DLGAP1: variants seen among roughly 807,000 people sequenced by gnomAD.
DLGAP1 encodes DLG associated protein 1.
A neutral mutation model predicts 90.8 loss-of-function variants in DLGAP1; 11 were observed. That is an observed-to-expected ratio of 0.12 (90% CI 0.08 to 0.20). The LOEUF is 0.20. Ranked by LOEUF, DLGAP1 falls within the 10% of genes least tolerant of loss-of-function variation. The pLI, the probability that DLGAP1 is intolerant of heterozygous loss-of-function variation, is 1.00. For missense variants in DLGAP1, 1,050 were observed against 1,333.8 expected (o/e 0.79, Z 3.31); for synonymous variants, 558 against 540.7 (o/e 1.03, Z -0.44).
At chr18:4,031,515 T>C (rs1015095519) in intron 2 of DLGAP1, among the ~76,000 whole-genome samples, 3 of 152,300 alleles carry the variant, frequency 2.0e-5, no homozygotes, top group East Asian at 3.9e-4. Flanking sequence ...ACTGGTTCAA[T>C]AGGGAGCTGT....
At chr18:3,923,153 AAAG>A (rs2072305073) in intron 3 of DLGAP1, among the ~76,000 whole-genome samples, 1 of 151,236 alleles carries the variant, frequency 6.6e-6, no homozygotes, top group South Asian at 2.1e-4. Flanking sequence ...AAAAAAAAAA[AAAG>A]CACTAATTTT....
At chr18:4,133,915 A>C (rs928053516) in intron 2 of DLGAP1, among the ~76,000 whole-genome samples, 1 of 151,962 alleles carries the variant, frequency 6.6e-6, no homozygotes, top group African/African-American at 2.4e-5. Context: ...ACCAAGACCT[A>C]GTGAGAGGCT....
intron 1 of DLGAP1, among the ~76,000 whole-genome samples, chr18:4,423,228 C>A (rs1342816556): frequency 1.3e-5 from 2 of 152,006 alleles, no homozygotes; most frequent in East Asian, 1.9e-4. Context: ...ATGGATTAAT[C>A]AAAAAATGTC....
chr18:4,387,702 G>C (rs1177962896), intron 1 of DLGAP1, among the ~76,000 whole-genome samples: 2 of 152,204 alleles, frequency 1.3e-5, no homozygotes, highest in Non-Finnish European at 2.9e-5. Context: ...GGAGGCTGAG[G>C]CGGGCAGATC....
intron 1 of DLGAP1, among the ~76,000 whole-genome samples, chr18:4,390,121 G>A (rs655507): frequency 1 from 151,833 of 151,850 alleles, 75,908 homozygotes; most frequent in Non-Finnish European, 1. Flanking sequence ...TCCTTATGGA[G>A]AGAATATATG....
chr18:4,000,600 C>T (rs577879605), intron 3 of DLGAP1, among the ~76,000 whole-genome samples: 1 of 152,338 alleles, frequency 6.6e-6, no homozygotes, highest in African/African-American at 2.4e-5. Context: ...CCAGGAAAGG[C>T]TCATAGGAAC....
intron 7 of DLGAP1, among the ~76,000 whole-genome samples, chr18:3,681,824 T>C (rs1269680454): frequency 6.6e-6 from 1 of 152,072 alleles, no homozygotes; most frequent in Non-Finnish European, 1.5e-5. Context: ...TCGTGTGAGA[T>C]CTGGTCATTT....
chr18:4,200,603 A>G (rs2077589983), intron 1 of DLGAP1, among the ~76,000 whole-genome samples: 1 of 147,802 alleles, frequency 6.8e-6, no homozygotes, highest in Non-Finnish European at 1.5e-5. Flanking sequence ...ACTTTAAAAT[A>G]TTAAAAAAAA....
intron 2 of DLGAP1, among the ~76,000 whole-genome samples, chr18:4,080,822 C>A (rs1388412675): frequency 6.6e-6 from 1 of 151,932 alleles, no homozygotes; most frequent in Non-Finnish European, 1.5e-5. Context: ...ATATAAGCTT[C>A]TGAGCCCCAT....
chr18:3,754,723 C>CA (rs1161245616), intron 5 of DLGAP1, among the ~76,000 whole-genome samples: 862 of 58,684 alleles, frequency 0.015, 2 homozygotes, highest in South Asian at 0.021. Context: ...TACTAAAATA[C>CA]AAAAAAAAAA....
chr18:3,730,339 C>T (rs572239028), intron 6 of DLGAP1, among the ~76,000 whole-genome samples: 5 of 151,048 alleles, frequency 3.3e-5, no homozygotes, highest in African/African-American at 4.9e-5. Flanking sequence ...AAATATTTGG[C>T]GTAATTGGAA....
In DLGAP1 at chr18:4,333,842, C is replaced by T. The variant is rs1032415518; in HGVS notation, c.-267+121164G>A. The stretch of plus-strand genomic sequence containing the variant: ...GTCTCTATCTCCTAACCTCGTGATC[C>T]GCCCGCCTTGGCCTCCCAAAGTGCC... On this transcript the variant is annotated intron_variant, in intron 1 of 12. Transcript: ENST00000315677. Among the ~76,000 whole-genome samples the T allele has an allele frequency of 9.4e-4, 142 of 151,398 alleles. 5 individuals carry two copies. Among genetic ancestry groups the T allele is most frequent in the African/African-American group, 3.1e-3 (127 of 41,090 alleles).
intron 1 of DLGAP1, among the ~76,000 whole-genome samples, chr18:4,357,170 T>TTTTTTTTTTTTTTTTTTTTG (rs1555605565): frequency 6.9e-6 from 1 of 144,984 alleles, no homozygotes; most frequent in African/African-American, 2.6e-5. Flanking sequence ...TTTTTTTTTT[T>TTTTTTTTTTTTTTTTTTTTG]TTTTTGACAG....
At chr18:4,424,618 A>G (rs941271111) in intron 1 of DLGAP1, among the ~76,000 whole-genome samples, 1 of 152,190 alleles carries the variant, frequency 6.6e-6, no homozygotes, top group African/African-American at 2.4e-5. Flanking sequence ...CCATCTGGGA[A>G]TGCCTTCAAA....
chr18:3,757,363 T>A lies in DLGAP1; in HGVS notation c.1173-14851A>T, dbSNP rs185481799. Among the ~76,000 whole-genome samples the A allele has an allele frequency of 2.0e-5, 3 of 152,248 alleles. No homozygotes were observed. The East Asian group carries it at 5.8e-4, about 29-fold the overall frequency. On this transcript the variant is annotated intron_variant, in intron 5 of 12. Coordinates refer to ENST00000315677, the MANE Select transcript of DLGAP1 (RefSeq NM_004746.4). ...GGCAGAGGTTGCAGTGAGCCAAGAC[T>A]GTGCCATTGCACTCCAGCCTGGGTG...
Position 3,784,771 on chromosome 18 carries a change from T to G in DLGAP1, c.1172+29288A>C, listed in dbSNP as rs541812445. Among the ~76,000 whole-genome samples, 12 of 152,316 alleles carry G rather than the reference T, an allele frequency of 7.9e-5. No individual in the cohort carries two copies. In the South Asian group the frequency reaches 2.3e-3, roughly 29 times the overall value. On this transcript the variant is annotated intron_variant, in intron 5 of 12. Transcript: ENST00000315677. ...AATTTTATTTTGTTAAAAACTGTAT[T>G]GAGAAAACAAAGATAATCTCTAGAA...
chr18:4,306,313 T>A (rs1335715446), intron 1 of DLGAP1, among the ~76,000 whole-genome samples: 1 of 151,850 alleles, frequency 6.6e-6, no homozygotes, highest in East Asian at 1.9e-4. Context: ...AAGCTTATAT[T>A]AGAAGAAGGA....
intron 11 of DLGAP1, among the ~76,000 whole-genome samples, chr18:3,507,459 TGAGCC>T (rs2050298357): frequency 6.6e-6 from 1 of 152,046 alleles, no homozygotes; most frequent in Non-Finnish European, 1.5e-5. Flanking sequence ...GAGGTTGCAG[TGAGCC>T]GAGCCGAGAT....
intron 1 of DLGAP1, among the ~76,000 whole-genome samples, chr18:4,375,793 G>A (rs967738931): frequency 9.2e-5 from 14 of 152,140 alleles, no homozygotes; most frequent in Non-Finnish European, 2.1e-4. Flanking sequence ...ATTATGATTT[G>A]AGAGTTGAAT....
Sources: gnomAD v4.1 joint callset for allele counts (sites outside exome capture counted in the v4.1 genomes callset) on GRCh38, gnomAD v4.1.1 for gene constraint, MANE v1.5 for transcripts, NCBI Gene and HGNC (gene_info 2026-07-23, HGNC 2026-07-21) for gene names.